Variants in LCLAT1 observed in about 807,000 individuals in gnomAD.
LCLAT1 encodes the protein 1-AGP acyltransferase 8.
A neutral mutation model predicts 30.7 loss-of-function variants in LCLAT1; 11 were observed. The observed-to-expected ratio is 0.36, with a 90% CI of 0.23 to 0.59. The LOEUF is 0.59. Among genes scored for constraint, LCLAT1 ranks in the 20% least tolerant of loss-of-function variants. The pLI is 0.77. For synonymous variants in LCLAT1, 155 were observed against 151.3 expected (o/e 1.02, Z -0.18); for missense variants, 402 against 458.6 (o/e 0.88, Z 1.13).
chr2:30,636,301 A>C (rs1217854202), intron 5 of LCLAT1, among the ~76,000 whole-genome samples: 1 of 152,186 alleles, frequency 6.6e-6, no homozygotes, highest in Non-Finnish European at 1.5e-5. Context: ...AGTGCTGTTG[A>C]CAGTGGTATG....
chr2:30,587,158 T>C (rs1343617403), intron 5 of LCLAT1, among the ~76,000 whole-genome samples: 2 of 152,242 alleles, frequency 1.3e-5, no homozygotes, highest in Non-Finnish European at 2.9e-5. Context: ...AAACATTCTC[T>C]GCCTTGAGAC....
At chr2:30,552,795 C>G (rs1572614474) in intron 3 of LCLAT1, 1 of 178,242 alleles carries the variant, frequency 5.6e-6, no homozygotes, top group East Asian at 1.5e-4. Context: ...TGGACAGATC[C>G]ATACTCAGTA....
intron 5 of LCLAT1, among the ~76,000 whole-genome samples, chr2:30,583,555 A>C (rs1351754872): frequency 6.6e-6 from 1 of 152,172 alleles, no homozygotes; most frequent in Non-Finnish European, 1.5e-5. Context: ...CTGAAACATC[A>C]TACTCTCACC....
intron 3 of LCLAT1, among the ~76,000 whole-genome samples, chr2:30,557,422 T>C (rs947484129): frequency 6.6e-6 from 1 of 152,030 alleles, no homozygotes; most frequent in Non-Finnish European, 1.5e-5. Flanking sequence ...CATCAATTTT[T>C]TTTTTTTTTG....
rs916926431 is a variant in LCLAT1 at position 30,563,620 on chromosome 2, C to A, written c.511+1328C>A. ...AGTCTAAAATCTGTAGTAGTATGGG[C>A]AGGTAGAACATGAACTTAACTTTCA... On this transcript the variant is annotated intron_variant, in intron 4 of 5. Coordinates refer to ENST00000379509, the MANE Select transcript of LCLAT1 (RefSeq NM_001002257.3). 3.3e-5 allele frequency among the ~76,000 whole-genome samples: 5 copies of A among 152,216 alleles called. No homozygotes were observed. In the East Asian group the frequency reaches 7.7e-4, roughly 24 times the overall value.
In LCLAT1 at chr2:30,604,985, G is replaced by C. The variant is rs372306610; in HGVS notation, c.629-35132G>C. Among the ~76,000 whole-genome samples, 5 of 152,200 alleles carry C rather than the reference G, an allele frequency of 3.3e-5. No homozygotes were observed. In the East Asian group the frequency reaches 5.8e-4, roughly 18 times the overall value. On this transcript the variant is annotated intron_variant, in intron 5 of 5. Transcript: ENST00000379509. ...CACACACAGGTGGGAGGTTGCACTA[G>C]ATGACCTCTGTGCTCCCTTTTAATG...
chr2:30,558,123 G>C (rs1207959234), intron 3 of LCLAT1, among the ~76,000 whole-genome samples: 1 of 152,078 alleles, frequency 6.6e-6, no homozygotes, highest in Non-Finnish European at 1.5e-5. Flanking sequence ...GAAAACACAA[G>C]TACATGGAGA....
chr2:30,637,373 C>A (rs1394289073), intron 5 of LCLAT1, among the ~76,000 whole-genome samples: 1 of 151,476 alleles, frequency 6.6e-6, no homozygotes, highest in East Asian at 1.9e-4. Flanking sequence ...ATATTAACAT[C>A]TTAAGGAATG....
intron 5 of LCLAT1, among the ~76,000 whole-genome samples, chr2:30,591,449 T>C (rs991233616): frequency 2.6e-5 from 4 of 152,222 alleles, no homozygotes; most frequent in Admixed American, 1.3e-4. Context: ...GTACAATATT[T>C]ATGTTGCATC....
chr2:30,506,842 A>G (rs1684686666), intron 1 of LCLAT1, among the ~76,000 whole-genome samples: 1 of 152,158 alleles, frequency 6.6e-6, no homozygotes, highest in South Asian at 2.1e-4. Flanking sequence ...ATCTATCCAT[A>G]GATTTAAAAG....
chr2:30,449,591 C>T (rs1235442887), intron 1 of LCLAT1, among the ~76,000 whole-genome samples: 3 of 151,780 alleles, frequency 2.0e-5, no homozygotes, highest in African/African-American at 7.3e-5. Context: ...GCCTCTGCCT[C>T]CCGGGTTCAA....
intron 1 of LCLAT1, among the ~76,000 whole-genome samples, chr2:30,521,489 CTTCTTTTTTTTTTTTTTTTTTT>C (rs1221870733): frequency 5.4e-5 from 3 of 55,568 alleles, no homozygotes; most frequent in South Asian, 5.8e-4. Flanking sequence ...TAAACTACTT[CTTCTTTTTTTTTTTTTTTTTTT>C]TTTTTTTTTT....
chr2:30,448,258 T>C (rs946282625), intron 1 of LCLAT1, among the ~76,000 whole-genome samples: 1 of 152,252 alleles, frequency 6.6e-6, no homozygotes, highest in Non-Finnish European at 1.5e-5. Context: ...TTTATTCATA[T>C]CATTAACTTA....
At chr2:30,554,785 G>A (rs1410683647) in intron 3 of LCLAT1, among the ~76,000 whole-genome samples, 1 of 152,180 alleles carries the variant, frequency 6.6e-6, no homozygotes, top group Non-Finnish European at 1.5e-5. Flanking sequence ...TAGAACAGGT[G>A]TAGCTGACAA....
At chr2:30,501,699 A>G (rs1684401669) in intron 1 of LCLAT1, among the ~76,000 whole-genome samples, 1 of 152,144 alleles carries the variant, frequency 6.6e-6, no homozygotes. Context: ...TAATTGATAC[A>G]ATATGAAACA....
chr2:30,470,450 C>CAAGGAGGG (rs1404332779), intron 1 of LCLAT1, among the ~76,000 whole-genome samples: 18 of 152,134 alleles, frequency 1.2e-4, no homozygotes, highest in Non-Finnish European at 2.2e-4. Context: ...GGTCTCTAAA[C>CAAGGAGGG]AAGGAGGGGG....
chr2:30,636,170 A>C (rs1180858524), intron 5 of LCLAT1, among the ~76,000 whole-genome samples: 3 of 152,192 alleles, frequency 2.0e-5, no homozygotes, highest in Non-Finnish European at 4.4e-5. Flanking sequence ...AAAAAGGCTG[A>C]ATATTTGAGG....
intron 5 of LCLAT1, among the ~76,000 whole-genome samples, chr2:30,592,474 A>T (rs1666740256): frequency 6.6e-6 from 1 of 152,140 alleles, no homozygotes; most frequent in African/African-American, 2.4e-5. Context: ...ACAGAGCAAG[A>T]CCCTGTCTAA....
intron 1 of LCLAT1, among the ~76,000 whole-genome samples, chr2:30,494,041 A>G (rs952070694): frequency 7.9e-5 from 12 of 151,894 alleles, no homozygotes; most frequent in Admixed American, 5.2e-4. Context: ...AAATAAATAA[A>G]TAATAAATAA....
Sources: allele counts gnomAD v4.1 joint callset (sites outside exome capture counted in the v4.1 genomes callset), GRCh38; gene constraint gnomAD v4.1.1; transcripts MANE v1.5; gene names NCBI Gene and HGNC (gene_info 2026-07-23, HGNC 2026-07-21).